The following RBMS3 variants were observed in gnomAD, a reference collection of about 807,000 sequenced individuals.
RBMS3 encodes the protein RNA-binding motif, single-stranded-interacting protein 3.
In RBMS3, 27 loss-of-function variants were observed where a neutral mutation model predicts 66.8. That is an observed-to-expected ratio of 0.40 (90% CI 0.30 to 0.56). The LOEUF (loss-of-function observed/expected upper bound fraction) is 0.56, where lower values mean the gene tolerates loss of function less well. RBMS3 is among the 20% of genes least tolerant of loss of function. RBMS3 has a pLI of 0.40. For synonymous variants in RBMS3, 188 were observed against 183.0 expected (o/e 1.03, Z -0.22); for missense variants, 513 against 549.5 (o/e 0.93, Z 0.66).
intron 4 of RBMS3, among the ~76,000 whole-genome samples, chr3:29,593,738 G>A (rs9835594): frequency 1.3e-5 from 2 of 152,040 alleles, no homozygotes; most frequent in African/African-American, 2.4e-5. Context: ...TCCTACTTTC[G>A]CAACACATTT....
chr3:29,758,782 CAG>C (rs1374972158), intron 5 of RBMS3, among the ~76,000 whole-genome samples: 1 of 152,150 alleles, frequency 6.6e-6, no homozygotes, highest in African/African-American at 2.4e-5. Context: ...AGAAGCAGTG[CAG>C]AGTTTAGTAC....
intron 1 of RBMS3, among the ~76,000 whole-genome samples, chr3:29,290,221 C>A (rs2032704084): frequency 6.6e-6 from 1 of 151,738 alleles, no homozygotes; most frequent in Non-Finnish European, 1.5e-5. Context: ...AATTAAATAA[C>A]TTAGAATTCA....
intron 1 of RBMS3, among the ~76,000 whole-genome samples, chr3:29,317,317 T>A (rs1229631842): frequency 6.6e-6 from 1 of 151,836 alleles, no homozygotes; most frequent in Non-Finnish European, 1.5e-5. Context: ...ATATTTTTTC[T>A]ATGTCCAGAT....
chr3:29,409,217 T>C (rs2040160598), intron 1 of RBMS3, among the ~76,000 whole-genome samples: 1 of 152,216 alleles, frequency 6.6e-6, no homozygotes, highest in South Asian at 2.1e-4. Context: ...CTAATGATTC[T>C]TTTCATTGAC....
At chr3:29,656,941 C>G (rs919795685) in intron 4 of RBMS3, among the ~76,000 whole-genome samples, 1 of 152,270 alleles carries the variant, frequency 6.6e-6, no homozygotes, top group East Asian at 1.9e-4. Context: ...GGAAACCAAG[C>G]CTTTTCCATC....
At chr3:29,732,802 C>T (rs1364663731) in intron 4 of RBMS3, among the ~76,000 whole-genome samples, 2 of 151,962 alleles carry the variant, frequency 1.3e-5, no homozygotes, top group Non-Finnish European at 2.9e-5. Flanking sequence ...AAATCTTGCT[C>T]CCTTGCATCC....
chr3:29,711,266 G>A (rs2149306318), intron 4 of RBMS3, among the ~76,000 whole-genome samples: 1 of 152,318 alleles, frequency 6.6e-6, no homozygotes, highest in East Asian at 1.9e-4. Flanking sequence ...ACTGTGCAAA[G>A]TGAAATCACA....
intron 10 of RBMS3, among the ~76,000 whole-genome samples, chr3:29,934,554 GCTTAT>G (rs952050550): frequency 1.2e-4 from 19 of 152,178 alleles, no homozygotes; most frequent in African/African-American, 4.6e-4. Flanking sequence ...TTAAGTAAAA[GCTTAT>G]CTTATGTTTC....
chr3:29,405,883 A>G (rs981839356), intron 1 of RBMS3, among the ~76,000 whole-genome samples: 24 of 152,204 alleles, frequency 1.6e-4, no homozygotes, highest in Admixed American at 9.8e-4. Context: ...TGTATTTGCT[A>G]TCTCTTAAGA....
chr3:29,875,664 A>T (rs2059595798), intron 7 of RBMS3, among the ~76,000 whole-genome samples: 1 of 152,104 alleles, frequency 6.6e-6, no homozygotes, highest in Non-Finnish European at 1.5e-5. Context: ...TGTCTTTTTT[A>T]TGGTATCAAT....
chr3:29,915,197 T>C (rs1363949590), intron 10 of RBMS3, among the ~76,000 whole-genome samples: 1 of 151,854 alleles, frequency 6.6e-6, no homozygotes, highest in African/African-American at 2.4e-5. Context: ...TTGACAAGAA[T>C]AGATTATTTC....
intron 10 of RBMS3, among the ~76,000 whole-genome samples, chr3:29,924,537 G>C (rs2060879756): frequency 6.6e-6 from 1 of 152,044 alleles, no homozygotes. Flanking sequence ...CAAAATAAGA[G>C]ATCTTAAAGA....
chr3:29,505,287 G>T (rs1455212758), intron 3 of RBMS3, among the ~76,000 whole-genome samples: 3 of 151,734 alleles, frequency 2.0e-5, no homozygotes, highest in African/African-American at 4.8e-5. Context: ...ACATCTAGCT[G>T]TCCCAACAAT....
intron 2 of RBMS3, among the ~76,000 whole-genome samples, chr3:29,488,157 G>A (rs1274308725): frequency 6.6e-6 from 1 of 152,258 alleles, no homozygotes; most frequent in East Asian, 1.9e-4. Flanking sequence ...CACAGAGTGC[G>A]ATTTACTGTG....
intron 1 of RBMS3, among the ~76,000 whole-genome samples, chr3:29,368,935 G>T (rs1008159231): frequency 2.6e-5 from 4 of 152,098 alleles, no homozygotes; most frequent in African/African-American, 9.7e-5. Flanking sequence ...TGGTAGACTG[G>T]ATAAAGAATA....
chr3:29,831,556 A>G (rs937576449), intron 6 of RBMS3, among the ~76,000 whole-genome samples: 21 of 152,150 alleles, frequency 1.4e-4, no homozygotes, highest in African/African-American at 5.1e-4. Context: ...AGGAGAATAA[A>G]ATAATTATAT....
chr3:29,549,579 T>A (rs1009873741), intron 3 of RBMS3, among the ~76,000 whole-genome samples: 1 of 151,870 alleles, frequency 6.6e-6, no homozygotes, highest in African/African-American at 2.4e-5. Flanking sequence ...TTTGTCTTTT[T>A]AGTAGAGATG....
intron 12 of RBMS3, among the ~76,000 whole-genome samples, chr3:29,946,115 A>C (rs978825931): frequency 4.6e-5 from 7 of 151,744 alleles, no homozygotes; most frequent in Admixed American, 4.6e-4. Flanking sequence ...TGGTAGTTTG[A>C]CATAAGTTTC....
At chr3:29,449,793 T>C (rs374606399) in intron 2 of RBMS3, among the ~76,000 whole-genome samples, 4 of 152,210 alleles carry the variant, frequency 2.6e-5, no homozygotes, top group Non-Finnish European at 5.9e-5. Context: ...ATAGGAGTTA[T>C]GTTACAAAAA....
Sources: gnomAD v4.1 joint callset for allele counts (sites outside exome capture counted in the v4.1 genomes callset) on GRCh38, gnomAD v4.1.1 for gene constraint, MANE v1.5 for transcripts, NCBI Gene and HGNC (gene_info 2026-07-23, HGNC 2026-07-21) for gene names.